The following SLC4A10 variants were observed in gnomAD, a reference collection of about 807,000 sequenced individuals.
SLC4A10 encodes the protein sodium-driven chloride bicarbonate exchanger.
Under a neutral mutation model 137.7 loss-of-function variants are expected in SLC4A10, and 42 were observed. The ratio of observed to expected loss-of-function variants is 0.30; its 90% CI spans 0.24 to 0.39. The LOEUF (loss-of-function observed/expected upper bound fraction) is 0.39. SLC4A10 is among the 10% of genes least tolerant of loss of function. SLC4A10 has a pLI of 1.00. For synonymous variants in SLC4A10, 474 were observed against 464.1 expected, an observed-to-expected ratio of 1.02 and a Z score of -0.27; for missense variants, 925 against 1,355.0, an observed-to-expected ratio of 0.68 and a Z score of 4.98.
chr2:161,950,001 G>A (rs987030120), intron 18 of SLC4A10, among the ~76,000 whole-genome samples: 4 of 151,824 alleles, frequency 2.6e-5, no homozygotes, highest in African/African-American at 9.7e-5. Flanking sequence ...GTCAAACAGG[G>A]CTGGGGACTT....
intron 1 of SLC4A10, among the ~76,000 whole-genome samples, chr2:161,686,343 A>G (rs967306613): frequency 6.6e-6 from 1 of 152,196 alleles, no homozygotes; most frequent in African/African-American, 2.4e-5. Context: ...TAAAAATTAT[A>G]AATTTCTACA....
intron 10 of SLC4A10, among the ~76,000 whole-genome samples, chr2:161,888,909 T>G (rs1000364622): frequency 1.3e-5 from 2 of 152,206 alleles, no homozygotes; most frequent in Admixed American, 6.5e-5. Context: ...CAGTATGATA[T>G]TGGCTGTGGG....
At chr2:161,767,254 A>T (rs922515719) in intron 1 of SLC4A10, among the ~76,000 whole-genome samples, 5 of 138,350 alleles carry the variant, frequency 3.6e-5, no homozygotes, top group Admixed American at 7.5e-5. Context: ...ATATATATAT[A>T]TTCAGGCTTT....
chr2:161,673,498 A>G (rs892597088), intron 1 of SLC4A10, among the ~76,000 whole-genome samples: 17 of 152,302 alleles, frequency 1.1e-4, no homozygotes, highest in African/African-American at 4.1e-4. Context: ...AATTCTATAA[A>G]AGGTACAATC....
chr2:161,631,701 T>C (rs1268424344), intron 1 of SLC4A10, among the ~76,000 whole-genome samples: 1 of 151,758 alleles, frequency 6.6e-6, no homozygotes, highest in Non-Finnish European at 1.5e-5. Context: ...AGTGTAAATT[T>C]CTATGCAATA....
intron 1 of SLC4A10, among the ~76,000 whole-genome samples, chr2:161,689,203 G>A (rs915004296): frequency 1.3e-5 from 2 of 152,036 alleles, no homozygotes; most frequent in African/African-American, 4.8e-5. Flanking sequence ...TAAATTTATT[G>A]TAGCCTAAGT....
At chr2:161,913,987 A>G (rs941036960) in intron 15 of SLC4A10, among the ~76,000 whole-genome samples, 12 of 152,330 alleles carry the variant, frequency 7.9e-5, no homozygotes, top group African/African-American at 2.9e-4. Context: ...TGTCATTGCT[A>G]CATACTTTAT....
chr2:161,767,139 A>ATGTGTGTG (rs1245094195), intron 1 of SLC4A10, among the ~76,000 whole-genome samples: 11 of 57,126 alleles, frequency 1.9e-4, no homozygotes, highest in East Asian at 8.3e-4. Context: ...ATATATATAT[A>ATGTGTGTG]TGTGTGTGTG....
chr2:161,709,316 T>C (rs955353430), intron 1 of SLC4A10, among the ~76,000 whole-genome samples: 1 of 151,664 alleles, frequency 6.6e-6, no homozygotes, highest in African/African-American at 2.4e-5. Flanking sequence ...ACCATTGTAG[T>C]GTGCTACATA....
intron 1 of SLC4A10, among the ~76,000 whole-genome samples, chr2:161,635,222 A>C (rs527480392): frequency 1.3e-5 from 2 of 152,130 alleles, no homozygotes; most frequent in Non-Finnish European, 2.9e-5. Context: ...TCAGGACTTT[A>C]AGGTGGATGC....
chr2:161,666,157 A>T (rs1301866045), intron 1 of SLC4A10, among the ~76,000 whole-genome samples: 1 of 151,550 alleles, frequency 6.6e-6, no homozygotes, highest in Non-Finnish European at 1.5e-5. Context: ...GCCAATCTTA[A>T]TTGAGATGAA....
intron 3 of SLC4A10, among the ~76,000 whole-genome samples, chr2:161,818,689 G>A (rs945014265): frequency 2.0e-5 from 3 of 152,118 alleles, no homozygotes; most frequent in Admixed American, 6.6e-5. Flanking sequence ...TAGCATGAAA[G>A]GTTGTTGAAT....
chr2:161,889,769 G>T (rs999451465), intron 10 of SLC4A10, among the ~76,000 whole-genome samples: 1 of 151,670 alleles, frequency 6.6e-6, no homozygotes, highest in African/African-American at 2.4e-5. Flanking sequence ...GGGTTTTTGT[G>T]TGTGTGTCTC....
intron 4 of SLC4A10, among the ~76,000 whole-genome samples, chr2:161,852,409 G>A (rs933933085): frequency 6.6e-6 from 1 of 152,060 alleles, no homozygotes; most frequent in Non-Finnish European, 1.5e-5. Context: ...TTAATTAGAA[G>A]ATTTAATAAA....
chr2:161,726,190 A>G (rs542537114), intron 1 of SLC4A10, among the ~76,000 whole-genome samples: 12 of 152,338 alleles, frequency 7.9e-5, no homozygotes, highest in Admixed American at 7.8e-4. Flanking sequence ...AGTGGAGATT[A>G]GAAAAATAAC....
rs558193430 is a variant in SLC4A10, at chr2:161,886,224, C to T, written c.1194+3780C>T. ...ATTTTTCTTTTTCTGGATATTTGAG[C>T]TAACAGTTTCCTCTCTCTTCTAGAT... is the stretch of plus-strand genomic sequence containing the variant. On this transcript the variant is annotated intron_variant, in intron 10 of 26. Coordinates refer to ENST00000446997, the MANE Select transcript of SLC4A10 (RefSeq NM_001178015.2). Among the ~76,000 whole-genome samples, 8 of 152,202 alleles carry T rather than the reference C, an allele frequency of 5.3e-5. No homozygotes were observed. The South Asian group carries it at 1.7e-3, about 32-fold the overall frequency.
At chr2:161,817,159 A>G (rs533269353) in intron 3 of SLC4A10, among the ~76,000 whole-genome samples, 2 of 152,234 alleles carry the variant, frequency 1.3e-5, no homozygotes, top group East Asian at 3.9e-4. Context: ...CTGACTTTTT[A>G]ATGATTGCCA....
chr2:161,886,495 C>A (rs2062300555), intron 10 of SLC4A10, among the ~76,000 whole-genome samples: 2 of 152,162 alleles, frequency 1.3e-5, no homozygotes, highest in South Asian at 4.1e-4. Flanking sequence ...TATCATATTG[C>A]AGTCTGACTT....
At chr2:161,707,803 A>G (rs1213072487) in intron 1 of SLC4A10, among the ~76,000 whole-genome samples, 2 of 151,556 alleles carry the variant, frequency 1.3e-5, no homozygotes, top group Non-Finnish European at 3.0e-5. Context: ...GATAAAATGT[A>G]TGTTGGTATG....
Sources: gnomAD v4.1 joint callset for allele counts (sites outside exome capture counted in the v4.1 genomes callset) on GRCh38, gnomAD v4.1.1 for gene constraint, MANE v1.5 for transcripts, NCBI Gene and HGNC (gene_info 2026-07-23, HGNC 2026-07-21) for gene names.